The following NBR1 variants were observed in gnomAD, a reference collection of about 807,000 sequenced individuals.
The protein encoded by NBR1 is NBR1 autophagy cargo receptor.
A neutral mutation model predicts 115.5 loss-of-function variants in NBR1; 59 were observed. The ratio of observed to expected loss-of-function variants is 0.51; its 90% confidence interval spans 0.41 to 0.63. NBR1 has a LOEUF of 0.63. Among genes scored for constraint, NBR1 ranks in the 30% least tolerant of loss-of-function variants. NBR1 has a pLI of 0.00. For missense variants in NBR1, 1,043 were observed against 1,150.5 expected, an observed-to-expected ratio of 0.91 and a Z score of 1.35; for synonymous variants, 373 against 414.7, an observed-to-expected ratio of 0.90 and a Z score of 1.22.
chr17:43,201,436 T>C (rs1328374105), intron 17 of NBR1, among the ~76,000 whole-genome samples: 1 of 152,220 alleles, frequency 6.6e-6, no homozygotes, highest in Non-Finnish European at 1.5e-5. Flanking sequence ...TTTCCGTTTA[T>C]TGACACCACT....
chr17:43,200,423 G>A lies in NBR1; in HGVS notation c.2283G>A (p.Glu761=). The part of the protein sequence containing the change: ...YSSALSQPGL[E]RGAEGKPGVE... ...CTGCGCTCTCACAGCCAGGCCTGGAGCGAGGTGCTGAAGGCAAGCCTGGGG... is the reference window on the plus strand; with the variant it reads ...CTGCGCTCTCACAGCCAGGCCTGGAACGAGGTGCTGAAGGCAAGCCTGGGG... The change falls in exon 17 of 21, where the codon GAG becomes GAA. Residue 761 remains glutamate, a synonymous_variant. Coordinates refer to ENST00000590996, the MANE Select transcript of NBR1 (RefSeq NM_005899.5). 1.2e-6 allele frequency: 2 copies of A among 1,610,300 alleles called. No individual in the cohort carries two copies. Among genetic ancestry groups the A allele is most frequent in the Non-Finnish European group, 1.7e-6 (2 of 1,178,288 alleles).
chr17:43,193,459 C>T lies in NBR1; in HGVS notation c.1345C>T (p.Pro449Ser). ...AGTTGTATCTGTGGAGTTCATTGCC[C>T]CAGCCTTGGAGGGAACGTATACTTC... ...VGVVSVEFIA[P>S]ALEGTYTSHW... The change falls in exon 12 of 21, where the codon CCA (proline) becomes TCA (serine). Residue 449 changes from proline to serine, a missense_variant. Physicochemically the swap from Pro to Ser is moderately conservative, Grantham distance 74. Transcript: ENST00000590996. 6.2e-7 allele frequency: 1 copy of T among 1,613,928 alleles called. No individual in the cohort carries two copies. The highest frequency in any genetic ancestry group is 1.1e-5 in the South Asian group (1 of 91,078).
At chr17:43,175,193 G>A (rs2056479377) in intron 1 of NBR1, among the ~76,000 whole-genome samples, 1 of 152,210 alleles carries the variant, frequency 6.6e-6, no homozygotes. Context: ...CTACCTCTGT[G>A]TAGTTTCTTG....
At position 43,206,845 on chromosome 17, in the gene NBR1, T is replaced by G. The variant is rs554391603; in HGVS notation, c.2728-3056T>G. On this transcript the variant is annotated intron_variant, in intron 20 of 20. Transcript: ENST00000590996. ...TGGGAGGCCAAGGTGGGCAGATCAC[T>G]TGAGTTCAGGAGTTTGAGACCAGCC... Among the ~76,000 whole-genome samples, 3 of 151,928 alleles carry G rather than the reference T, an allele frequency of 2.0e-5. No individual in the cohort carries two copies. In the South Asian group the frequency reaches 6.3e-4, roughly 32 times the overall value.
chr17:43,195,141 T>TTTC, intron 14 of NBR1, 102 bp downstream of exon 14: 1 of 888,938 alleles, frequency 1.1e-6, no homozygotes, highest in East Asian at 2.6e-5. Flanking sequence ...ATGGCAAGGA[T>TTTC]TTCTCCCACA....
chr17:43,184,484 G>A (rs1350544732), intron 5 of NBR1, among the ~76,000 whole-genome samples: 1 of 147,290 alleles, frequency 6.8e-6, no homozygotes, highest in East Asian at 2.1e-4. Flanking sequence ...TCCTGTCTCA[G>A]CCTCCTGAGT....
intron 20 of NBR1, among the ~76,000 whole-genome samples, chr17:43,207,898 T>G (rs1186942374): frequency 6.6e-6 from 1 of 152,180 alleles, no homozygotes; most frequent in Non-Finnish European, 1.5e-5. Context: ...TGGTGATACA[T>G]GCTTGAGAGT....
intron 14 of NBR1, 198 bp downstream of exon 14, chr17:43,195,237 T>C: frequency 1.8e-6 from 1 of 568,836 alleles, no homozygotes; most frequent in East Asian, 3.2e-5. Flanking sequence ...GCATGGTGGC[T>C]CGTGTCTATA....
chr17:43,171,513 C>T (rs1187005523), intron 1 of NBR1, among the ~76,000 whole-genome samples: 1 of 152,164 alleles, frequency 6.6e-6, no homozygotes, highest in Non-Finnish European at 1.5e-5. Flanking sequence ...GTCTGTGGGT[C>T]AGAACATCCG....
At chr17:43,200,867 G>GTTTT (rs556106085) in intron 17 of NBR1, among the ~76,000 whole-genome samples, 11 of 123,646 alleles carry the variant, frequency 8.9e-5, no homozygotes, top group African/African-American at 2.5e-4. Context: ...AGCTGGTTGT[G>GTTTT]TTTTTTTTTT....
At chr17:43,194,618 G>A in intron 13 of NBR1, 119 bp downstream of exon 13, 5 of 1,152,494 alleles carry the variant, frequency 4.3e-6, no homozygotes, top group Non-Finnish European at 5.0e-6. Flanking sequence ...ATCTAGTCAG[G>A]TATATTTAAT....
At chr17:43,184,922 C>G (rs1284786375) in intron 5 of NBR1, among the ~76,000 whole-genome samples, 1 of 151,676 alleles carries the variant, frequency 6.6e-6, no homozygotes, top group African/African-American at 2.4e-5. Context: ...AACCCCATCT[C>G]TACTAAAAAT....
intron 6 of NBR1, among the ~76,000 whole-genome samples, chr17:43,187,972 GCT>G (rs2056858172): frequency 7.4e-6 from 1 of 135,972 alleles, no homozygotes; most frequent in Non-Finnish European, 1.6e-5. Flanking sequence ...CTCACTGCAA[GCT>G]CTGTCTCCCG....
intron 19 of NBR1, 131 bp downstream of exon 19, chr17:43,202,843 T>C (rs1352136662): frequency 4.4e-6 from 3 of 687,006 alleles, no homozygotes; most frequent in East Asian, 5.5e-5. Context: ...TTCCGTCTTA[T>C]TCTTGTTTCT....
At chr17:43,174,825 G>A (rs1479676304) in intron 1 of NBR1, among the ~76,000 whole-genome samples, 2 of 151,724 alleles carry the variant, frequency 1.3e-5, no homozygotes, top group African/African-American at 2.4e-5. Flanking sequence ...GCCAGGTGCG[G>A]TGGCTCATGC....
chr17:43,178,615 G>A (rs1055860317), intron 3 of NBR1, among the ~76,000 whole-genome samples: 1 of 150,866 alleles, frequency 6.6e-6, no homozygotes, highest in Non-Finnish European at 1.5e-5. Flanking sequence ...GGGCTCAAGC[G>A]ATCAGCCCAC....
At chr17:43,181,029 G>A (rs576187490) in intron 5 of NBR1, among the ~76,000 whole-genome samples, 6 of 152,094 alleles carry the variant, frequency 3.9e-5, no homozygotes, top group African/African-American at 7.2e-5. Flanking sequence ...ACGTCACCAC[G>A]CCCGGCTAAC....
chr17:43,179,252 G>A, intron 3 of NBR1, 142 bp from the exon 4 acceptor site: 1 of 699,692 alleles, frequency 1.4e-6, no homozygotes, highest in Non-Finnish European at 2.5e-6. Flanking sequence ...TTTCTTAAGT[G>A]TTATTCATGA....
At position 43,205,975 on chromosome 17, in the gene NBR1, C is replaced by T. The variant is rs531157204; in HGVS notation, c.2727+2189C>T. On this transcript the variant is annotated intron_variant, in intron 20 of 20. Coordinates refer to ENST00000590996, the MANE Select transcript of NBR1 (RefSeq NM_005899.5). The stretch of plus-strand genomic sequence containing the variant: ...CGGGTGGATCATGAGGTCAGGAGTT[C>T]GAGACCAGCCTGACCCACATGGTGA... 6.7e-5 allele frequency among the ~76,000 whole-genome samples: 10 copies of T among 149,492 alleles called. 2 individuals are homozygous for T. The highest frequency in any genetic ancestry group is 2.0e-4 in the African/African-American group (8 of 40,634).
Sources: allele counts gnomAD v4.1 joint callset (sites outside exome capture counted in the v4.1 genomes callset), GRCh38; gene constraint gnomAD v4.1.1; transcripts MANE v1.5; gene names NCBI Gene and HGNC (gene_info 2026-07-23, HGNC 2026-07-21).